PALM2AKAP2: variants seen among roughly 807,000 people sequenced by gnomAD.
PALM2AKAP2 encodes PALM2 and AKAP2 fusion.
Under a neutral mutation model 71.5 loss-of-function variants are expected in PALM2AKAP2, and 37 were observed. That is an observed-to-expected ratio of 0.52 (90% CI 0.40 to 0.68). The LOEUF is 0.68. Ranked by LOEUF, PALM2AKAP2 falls within the 30% of genes least tolerant of loss-of-function variation. PALM2AKAP2 has a pLI of 0.00. For missense variants in PALM2AKAP2, 1,224 were observed against 1,191.8 expected, an observed-to-expected ratio of 1.03 and a Z score of -0.40; for synonymous variants, 468 against 478.8, an observed-to-expected ratio of 0.98 and a Z score of 0.29.
rs185530127 is a variant in PALM2AKAP2 at position 110,092,356 on chromosome 9, T to C, written c.156+43501T>C. ...CAAAAAAAAAGAAGTAAGATCTGAT[T>C]GACTTATCCTTTTCTCAAAGTTATA... On this transcript the variant is annotated intron_variant, in intron 1 of 3. Transcript: ENST00000374525. 2.0e-3 allele frequency among the ~76,000 whole-genome samples: 307 copies of C among 152,284 alleles called. 2 individuals carry two copies. Among genetic ancestry groups the C allele is most frequent in the African/African-American group, 7.2e-3 (298 of 41,566 alleles).
chr9:109,780,347 C>T (rs1829420256), upstream of PALM2AKAP2: 2 of 1,549,126 alleles, frequency 1.3e-6, no homozygotes, highest in South Asian at 1.2e-5. Flanking sequence ...CTGCCCGCCG[C>T]CCCTGGAGCG....
chr9:109,984,299 A>G (rs1019979136), intron 6 of PALM2AKAP2, among the ~76,000 whole-genome samples: 1 of 152,154 alleles, frequency 6.6e-6, no homozygotes. Context: ...TTTTATTTCC[A>G]TAGAAAACTG....
intron 1 of PALM2AKAP2, among the ~76,000 whole-genome samples, chr9:109,837,708 A>C (rs1828520993): frequency 6.6e-6 from 1 of 152,208 alleles, no homozygotes; most frequent in African/African-American, 2.4e-5. Context: ...TGGAAAACAA[A>C]AAAAGGCAGG....
At position 109,856,083 on chromosome 9, in the gene PALM2AKAP2, A is replaced by G. The variant is rs151303604; in HGVS notation, c.46-11408A>G. On this transcript the variant is annotated intron_variant, in intron 1 of 9. Coordinates refer to the PALM2AKAP2 transcript ENST00000302798. ...AGGTGGTTGAGTTTATTTTCTGCTC[A>G]CAATTGTATCATTTAAAACCCTGAG... 2.2e-4 allele frequency among the ~76,000 whole-genome samples: 34 copies of G among 152,360 alleles called. No individual in the cohort carries two copies. In the East Asian group the frequency reaches 6.4e-3, roughly 28 times the overall value.
chr9:110,043,701 T>C (rs1281766384), upstream of PALM2AKAP2, among the ~76,000 whole-genome samples: 1 of 149,112 alleles, frequency 6.7e-6, no homozygotes, highest in Non-Finnish European at 1.5e-5. Flanking sequence ...ATCTGTAAAC[T>C]ACGTTTTTTT....
At chr9:110,145,264 C>A (rs1282899667) in intron 2 of PALM2AKAP2, among the ~76,000 whole-genome samples, 1 of 152,118 alleles carries the variant, frequency 6.6e-6, no homozygotes, top group African/African-American at 2.4e-5. Flanking sequence ...TCCAATGCCC[C>A]AAATTACAGT....
At chr9:109,997,887 T>C (rs911153282) in intron 6 of PALM2AKAP2, among the ~76,000 whole-genome samples, 1 of 152,216 alleles carries the variant, frequency 6.6e-6, no homozygotes, top group African/African-American at 2.4e-5. Flanking sequence ...CAGCTTATCC[T>C]GGGGTGGGGC....
intron 1 of PALM2AKAP2, among the ~76,000 whole-genome samples, chr9:110,084,860 C>G (rs185428408): frequency 4.6e-5 from 7 of 152,140 alleles, no homozygotes; most frequent in African/African-American, 1.4e-4. Context: ...CTCAACCTCC[C>G]GAGTAGCTGG....
At chr9:109,855,247 A>AT (rs1009464926) in intron 1 of PALM2AKAP2, among the ~76,000 whole-genome samples, 4 of 151,734 alleles carry the variant, frequency 2.6e-5, no homozygotes, top group Non-Finnish European at 2.9e-5. Flanking sequence ...TAATTTTTGC[A>AT]TTTTTTGTAG....
At chr9:109,825,550 G>A (rs12376038) in intron 1 of PALM2AKAP2, among the ~76,000 whole-genome samples, 17,439 of 152,050 alleles carry the variant, frequency 0.11, 1,595 homozygotes, top group African/African-American at 0.25. Context: ...ACAAGTGGGC[G>A]AAGGATATGA....
chr9:109,783,382 A>C (rs1274242399), intron 1 of PALM2AKAP2, among the ~76,000 whole-genome samples: 1 of 151,302 alleles, frequency 6.6e-6, no homozygotes, highest in Non-Finnish European at 1.5e-5. Context: ...CTGCCATGAC[A>C]GCTCGCTGCA....
Position 110,135,164 on chromosome 9 carries a change from A to AAAAAAAAATATATATATATAT in PALM2AKAP2, c.157-962_157-961insAAAAAAATATATATATATATA. On this transcript the variant is annotated intron_variant, in intron 1 of 3. Transcript: ENST00000374525. Reference sequence around the variant, plus strand: ...AACTCTGTCTCTACAAAAAAAAAAAAATATATAAATATATATATATATATA... The same window carrying AAAAAAAAATATATATATATAT: ...AACTCTGTCTCTACAAAAAAAAAAAAAAAAAAAATATATATATATATATATATAAATATATATATATATATA... Among the ~76,000 whole-genome samples the AAAAAAAAATATATATATATAT allele has an allele frequency of 2.3e-4, 12 of 51,708 alleles. 1 individual carries two copies. Among genetic ancestry groups the AAAAAAAAATATATATATATAT allele is most frequent in the South Asian group, 2.2e-3 (3 of 1,350 alleles). 33.9% of individuals were successfully genotyped at this position (51,708 alleles called of 152,430 possible).
intron 1 of PALM2AKAP2, among the ~76,000 whole-genome samples, chr9:110,113,882 G>A (rs1261810035): frequency 1.3e-5 from 2 of 152,196 alleles, no homozygotes; most frequent in East Asian, 3.9e-4. Context: ...ACCCACCTCT[G>A]AGAAGGCTCG....
chr9:109,851,930 T>C (rs1371867698), intron 1 of PALM2AKAP2, among the ~76,000 whole-genome samples: 1 of 152,124 alleles, frequency 6.6e-6, no homozygotes, highest in Non-Finnish European at 1.5e-5. Context: ...AAAATGCTGC[T>C]ATACGTGATG....
At chr9:110,154,886 A>T (rs937435311) in intron 2 of PALM2AKAP2, among the ~76,000 whole-genome samples, 1 of 152,234 alleles carries the variant, frequency 6.6e-6, no homozygotes, top group South Asian at 2.1e-4. Context: ...AGAAGAGACC[A>T]CAAAGATAAC....
In PALM2AKAP2 at chr9:110,035,798, T is replaced by C. The variant is rs1384616710; in HGVS notation, c.582+19759T>C. Among the ~76,000 whole-genome samples, 5 of 145,628 alleles carry C rather than the reference T, an allele frequency of 3.4e-5. No individual in the cohort carries two copies. The East Asian group carries it at 9.9e-4, about 29-fold the overall frequency. ...TATGTAACATATATAGGATATGTTGTGTGTTATATGTAACATATATATGAT... is the reference window on the plus strand; with the variant it reads ...TATGTAACATATATAGGATATGTTGCGTGTTATATGTAACATATATATGAT... On this transcript the variant is annotated intron_variant, in intron 7 of 9. Transcript: ENST00000302798.
At chr9:109,816,429 C>T (rs1015621257) in intron 1 of PALM2AKAP2, among the ~76,000 whole-genome samples, 2 of 152,122 alleles carry the variant, frequency 1.3e-5, no homozygotes, top group African/African-American at 2.4e-5. Flanking sequence ...TTTGAAAAGA[C>T]CCAAGAGCAG....
intron 1 of PALM2AKAP2, among the ~76,000 whole-genome samples, chr9:109,825,797 A>T (rs377673080): frequency 3.5e-4 from 53 of 152,126 alleles, no homozygotes; most frequent in African/African-American, 1.2e-3. Flanking sequence ...ATTGTGGAAG[A>T]CAGTGTGGCG....
chr9:110,143,039 G>T (rs1588134294), intron 2 of PALM2AKAP2, among the ~76,000 whole-genome samples: 1 of 152,218 alleles, frequency 6.6e-6, no homozygotes, highest in East Asian at 1.9e-4. Flanking sequence ...GCGCCATCTT[G>T]GTGAACACCC....
Sources: gnomAD v4.1 joint callset for allele counts (sites outside exome capture counted in the v4.1 genomes callset) on GRCh38, gnomAD v4.1.1 for gene constraint, MANE v1.5 for transcripts, NCBI Gene and HGNC (gene_info 2026-07-23, HGNC 2026-07-21) for gene names.